The following RASGEF1C variants were observed in gnomAD, a reference collection of about 807,000 sequenced individuals.
The protein encoded by RASGEF1C is RasGEF domain family member 1C, also known as ras-GEF domain-containing family member 1C.
RASGEF1C carries 27 observed loss-of-function variants against 58.1 expected under a neutral mutation model. That is an observed-to-expected ratio of 0.46 (90% CI 0.34 to 0.64). The LOEUF (loss-of-function observed/expected upper bound fraction) is 0.64, where lower values mean the gene tolerates loss of function less well. Among genes scored for constraint, RASGEF1C ranks in the 30% least tolerant of loss-of-function variants. The probability of loss-of-function intolerance (pLI) is 0.01; values close to 1 mark genes in which losing one functional copy is unlikely to be tolerated. For missense variants in RASGEF1C, 502 were observed against 605.1 expected, an observed-to-expected ratio of 0.83 and a Z score of 1.79; for synonymous variants, 243 against 246.3, an observed-to-expected ratio of 0.99 and a Z score of 0.13.
At chr5:180,170,817 C>T (rs1169735311) in intron 1 of RASGEF1C, among the ~76,000 whole-genome samples, 1 of 152,240 alleles carries the variant, frequency 6.6e-6, no homozygotes, top group Non-Finnish European at 1.5e-5. Context: ...ATACCCCGGT[C>T]CTGCTCCGCT....
At chr5:180,103,130 T>C (rs1437726959) in intron 12 of RASGEF1C, among the ~76,000 whole-genome samples, 2 of 152,156 alleles carry the variant, frequency 1.3e-5, no homozygotes, top group Admixed American at 1.3e-4. Flanking sequence ...CAGGCTGGAG[T>C]GCAGTGGCGC....
chr5:180,144,195 A>C (rs572206403), intron 1 of RASGEF1C, among the ~76,000 whole-genome samples: 155 of 152,246 alleles, frequency 1.0e-3, no homozygotes, highest in African/African-American at 3.6e-3. Context: ...GTGTGCCAAA[A>C]AGACTTGCCA....
Position 180,119,660 on chromosome 5 carries a change from C to T in RASGEF1C, c.805-212G>A, listed in dbSNP as rs555570229. On this transcript the variant is annotated intron_variant, in intron 7 of 13. Coordinates refer to ENST00000361132, the MANE Select transcript of RASGEF1C (RefSeq NM_175062.4). Reference sequence around the variant, plus strand: ...GGGCTAGGTGGGCCCGGTGGGGGCACGGGTACCCCCTGTAGCCCTGGAGCT... The same window carrying T: ...GGGCTAGGTGGGCCCGGTGGGGGCATGGGTACCCCCTGTAGCCCTGGAGCT... Among the ~76,000 whole-genome samples the T allele has an allele frequency of 7.9e-5, 12 of 151,884 alleles. No homozygotes were observed. In the South Asian group the frequency reaches 2.1e-3, roughly 26 times the overall value.
At chr5:180,182,319 T>C (rs1011176932) in intron 1 of RASGEF1C, among the ~76,000 whole-genome samples, 10 of 150,970 alleles carry the variant, frequency 6.6e-5, no homozygotes, top group African/African-American at 2.4e-4. Flanking sequence ...GGGTTTGTGG[T>C]CTCGCTGACT....
chr5:180,170,038 C>A (rs901806627), intron 1 of RASGEF1C, among the ~76,000 whole-genome samples: 2 of 152,226 alleles, frequency 1.3e-5, no homozygotes, highest in Non-Finnish European at 2.9e-5. Flanking sequence ...TTCCTCGTGG[C>A]TTTTCTCCAA....
At chr5:180,103,204 A>C (rs577676796) in intron 12 of RASGEF1C, among the ~76,000 whole-genome samples, 1 of 152,108 alleles carries the variant, frequency 6.6e-6, no homozygotes, top group Admixed American at 6.5e-5. Flanking sequence ...CACCCTCCCG[A>C]GTGGCTGGGA....
chr5:180,160,892 CTG>C lies in RASGEF1C; in HGVS notation c.-6-22836_-6-22835del, dbSNP rs1766930430. 2.6e-5 allele frequency among the ~76,000 whole-genome samples: 4 copies of C among 152,334 alleles called. No individual in the cohort carries two copies. In the South Asian group the frequency reaches 8.3e-4, roughly 32 times the overall value. The stretch of plus-strand genomic sequence containing the variant: ...ATTTTTGCACGCACCTTTAGAGCAT[CTG>C]TGTTTACAGTATAACACAATGTGGC... On this transcript the variant is annotated intron_variant, in intron 1 of 13. Transcript: ENST00000361132.
rs954334836 is a variant in RASGEF1C at position 180,137,198 on chromosome 5, G to C, written c.300+392C>G. On this transcript the variant is annotated intron_variant, in intron 3 of 13. Transcript: ENST00000361132. This position sits in a 1 kb window ranked among gnomAD's most constrained non-coding sequence, Gnocchi z 4.1. Reference sequence around the variant, plus strand: ...TTGAAGTTGGGTCTCTCCCACTAGCGGTAGAGCCCTACCGACGCGTGTGCA... The same window carrying C: ...TTGAAGTTGGGTCTCTCCCACTAGCCGTAGAGCCCTACCGACGCGTGTGCA... 6.6e-6 allele frequency among the ~76,000 whole-genome samples: 1 copy of C among 152,158 alleles called. No homozygotes were observed. The highest frequency in any genetic ancestry group is 1.5e-5 in the Non-Finnish European group (1 of 68,028).
Position 180,128,449 on chromosome 5 carries a change from G to C in RASGEF1C, c.600C>G (p.Asp200Glu). 1 of 1,614,014 alleles carries C rather than the reference G, an allele frequency of 6.2e-7. No individual in the cohort carries two copies. The highest frequency in any genetic ancestry group is 8.5e-7 in the Non-Finnish European group (1 of 1,180,022). ...TCAGCTGCTGGGCCAGTGTGTAGGG[G>C]TCGCTGCAGACACCAAGGAGCTCCC... ...IHRELLGVCSDPYTLAQQLTH... is the reference protein window; with the variant it reads ...IHRELLGVCSEPYTLAQQLTH... The change falls in exon 5 of 14, where the codon GAC becomes GAG. Residue 200 changes from aspartate to glutamate, a missense_variant. Asp to Glu is a conservative substitution (Grantham distance 45). Transcript: ENST00000361132.
chr5:180,123,004 C>T (rs1406608436), intron 6 of RASGEF1C, among the ~76,000 whole-genome samples: 2 of 152,076 alleles, frequency 1.3e-5, no homozygotes, highest in Non-Finnish European at 2.9e-5. Context: ...AAGAGATACA[C>T]TCCAAACACA....
chr5:180,153,910 C>G (rs920474842), intron 1 of RASGEF1C, among the ~76,000 whole-genome samples: 1 of 152,196 alleles, frequency 6.6e-6, no homozygotes, highest in Non-Finnish European at 1.5e-5. Context: ...GGGTGATGTT[C>G]CCAGTCCCCG....
chr5:180,164,354 T>G (rs1441906317), intron 1 of RASGEF1C, among the ~76,000 whole-genome samples: 2 of 152,206 alleles, frequency 1.3e-5, no homozygotes, highest in Non-Finnish European at 1.5e-5. Context: ...GTAAGAATAC[T>G]GCAAGTTTCT....
intron 1 of RASGEF1C, among the ~76,000 whole-genome samples, chr5:180,169,016 T>C (rs1260678082): frequency 6.6e-6 from 1 of 152,144 alleles, no homozygotes; most frequent in Non-Finnish European, 1.5e-5. Flanking sequence ...GTAGCTTCTC[T>C]GTGCGTTCTG....
At chr5:180,103,302 C>T (rs1053696087) in intron 12 of RASGEF1C, among the ~76,000 whole-genome samples, 24 of 152,314 alleles carry the variant, frequency 1.6e-4, no homozygotes, top group Admixed American at 3.9e-4. Context: ...TGGTCTCGAT[C>T]TCCTGACCTT....
At position 180,155,401 on chromosome 5, in the gene RASGEF1C, G is replaced by A. The variant is rs1178200459; in HGVS notation, c.-6-17343C>T. On this transcript the variant is annotated intron_variant, in intron 1 of 13. Coordinates refer to ENST00000361132, the MANE Select transcript of RASGEF1C (RefSeq NM_175062.4). The surrounding 1 kb of genome is among the most constrained non-coding windows in gnomAD (Gnocchi z 5.2). ...GGGGGAACTGCAGCCTCCCTAGGCC[G>A]AGCCCAGATCTGCTTGCGGAGGCTG... is the stretch of plus-strand genomic sequence containing the variant. Among the ~76,000 whole-genome samples the A allele has an allele frequency of 2.6e-5, 4 of 152,116 alleles. No individual in the cohort carries two copies. Among genetic ancestry groups the A allele is most frequent in the Admixed American group, 6.5e-5 (1 of 15,268 alleles).
intron 1 of RASGEF1C, among the ~76,000 whole-genome samples, chr5:180,208,621 T>G (rs1756535812): frequency 6.6e-6 from 1 of 152,152 alleles, no homozygotes; most frequent in South Asian, 2.1e-4. Context: ...CTTTCCCTTC[T>G]GCACGTGCAC....
intron 1 of RASGEF1C, among the ~76,000 whole-genome samples, 165 bp downstream of exon 1, chr5:180,208,863 G>A (rs566116171): frequency 4.7e-5 from 7 of 150,136 alleles, no homozygotes; most frequent in African/African-American, 1.7e-4. Flanking sequence ...CAGTCCCGGC[G>A]GCCGCGCGGA....
intron 1 of RASGEF1C, among the ~76,000 whole-genome samples, chr5:180,173,554 A>G (rs530849324): frequency 1.3e-5 from 2 of 152,370 alleles, no homozygotes; most frequent in South Asian, 2.1e-4. Context: ...TGACAGAGAA[A>G]TAAGAATTGA....
At chr5:180,191,380 G>T (rs564854435) in intron 1 of RASGEF1C, among the ~76,000 whole-genome samples, 28 of 151,594 alleles carry the variant, frequency 1.8e-4, no homozygotes, top group African/African-American at 6.5e-4. Context: ...TTTTTGAGAC[G>T]GAGTCTAGCT....
Sources: allele counts gnomAD v4.1 joint callset (sites outside exome capture counted in the v4.1 genomes callset), GRCh38; gene constraint gnomAD v4.1.1; non-coding constraint Gnocchi (gnomAD v3.1); transcripts MANE v1.5; gene names NCBI Gene and HGNC (gene_info 2026-07-23, HGNC 2026-07-21).